AP2B1: variants seen among roughly 807,000 people sequenced by gnomAD.
AP2B1 encodes the protein adaptor related protein complex 2 subunit beta 1, also known as AP-2 complex subunit beta.
In AP2B1, 23 loss-of-function variants were observed where a neutral mutation model predicts 102.0. The ratio of observed to expected loss-of-function variants is 0.23; its 90% CI spans 0.16 to 0.32. The LOEUF is 0.32. Ranked by LOEUF, AP2B1 falls within the 10% of genes least tolerant of loss-of-function variation. The probability of loss-of-function intolerance (pLI) is 1.00; values close to 1 mark genes in which losing one functional copy is unlikely to be tolerated. For synonymous variants in AP2B1, 381 were observed against 421.2 expected (o/e 0.90, Z 1.17); for missense variants, 541 against 1,157.4 (o/e 0.47, Z 7.73).
At position 35,717,320 on chromosome 17, in the gene AP2B1, C is replaced by T. The variant is rs2076568559; in HGVS notation, c.2752C>T (p.Arg918Cys). Residue 918 changes from arginine (R) to cysteine (C), a missense_variant, in exon 21 of 22, where the codon CGT becomes TGT. Transcript: ENST00000610402. ...TNGIWILAEL[R>C]IQPGNPNYTL... Reference sequence around the variant, plus strand: ...TGGCATTTGGATTTTGGCCGAACTACGTATCCAGCCAGGAAACCCCAATTA... The same window carrying T: ...TGGCATTTGGATTTTGGCCGAACTATGTATCCAGCCAGGAAACCCCAATTA... 2 of 1,614,164 alleles carry T rather than the reference C, an allele frequency of 1.2e-6. No homozygotes were observed. Among genetic ancestry groups the T allele is most frequent in the Non-Finnish European group, 1.7e-6 (2 of 1,180,004 alleles).
chr17:35,633,326 C>G (rs1423662764), intron 9 of AP2B1, among the ~76,000 whole-genome samples: 1 of 149,120 alleles, frequency 6.7e-6, no homozygotes, highest in Non-Finnish European at 1.5e-5. Flanking sequence ...CGCCACTGCA[C>G]TCAGCCTGGT....
intron 18 of AP2B1, among the ~76,000 whole-genome samples, chr17:35,690,502 TA>T (rs1487430883): frequency 6.6e-6 from 1 of 152,230 alleles, no homozygotes; most frequent in Admixed American, 6.5e-5. Flanking sequence ...CCATCTATTT[TA>T]TCCTCTCTAA....
intron 1 of AP2B1, chr17:35,587,790 G>T (rs142481707): frequency 1.3e-5 from 2 of 152,392 alleles, no homozygotes; most frequent in East Asian, 3.9e-4. Flanking sequence ...GCTCGGCGTC[G>T]TTCACTGAGA....
At chr17:35,662,062 G>A (rs1412137463) in intron 14 of AP2B1, among the ~76,000 whole-genome samples, 1 of 152,138 alleles carries the variant, frequency 6.6e-6, no homozygotes, top group African/African-American at 2.4e-5. Flanking sequence ...ATCAATAGTA[G>A]TGACTCTCAA....
intron 9 of AP2B1, among the ~76,000 whole-genome samples, chr17:35,633,747 C>T (rs976775750): frequency 3.7e-4 from 56 of 152,272 alleles, no homozygotes; most frequent in African/African-American, 1.3e-3. Context: ...CATTACCATG[C>T]CCAGCAACTA....
chr17:35,637,803 A>G (rs769580790), intron 10 of AP2B1, among the ~76,000 whole-genome samples: 4 of 150,136 alleles, frequency 2.7e-5, no homozygotes, highest in African/African-American at 7.4e-5. Flanking sequence ...TCCTGCCTCA[A>G]TCTCCCGAGT....
Position 35,588,772 on chromosome 17 carries a change from C to A in AP2B1, c.-24+1344C>A, listed in dbSNP as rs568898815. On this transcript the variant is annotated intron_variant, in intron 1 of 21. Transcript: ENST00000610402. ...GCAGTATCTTAGCCGTTGAAACTTT[C>A]AAGGAAGCAGAAAGGATGATGTATA... The A allele has an allele frequency of 5.3e-5, 8 of 152,290 alleles. No individual in the cohort carries two copies. The South Asian group carries it at 6.2e-4, about 12-fold the overall frequency. 9.4% of individuals were successfully genotyped at this position (152,290 alleles called of 1,614,324 possible).
chr17:35,671,918 A>G lies in AP2B1; in HGVS notation c.2178+18A>G. On this transcript the variant is annotated intron_variant, in intron 16 of 21. Coordinates refer to ENST00000610402, the MANE Select transcript of AP2B1 (RefSeq NM_001030006.2). ...CTAAGGCTGTAAGTAAAGAGTTAAC[A>G]TAGCAATACTTTCTTAATGGACAGG... 6.2e-7 allele frequency: 1 copy of G among 1,611,128 alleles called. No homozygotes were observed. Among genetic ancestry groups the G allele is most frequent in the Non-Finnish European group, 8.5e-7 (1 of 1,177,718 alleles).
chr17:35,643,393 T>G (rs1178923993), intron 12 of AP2B1, among the ~76,000 whole-genome samples: 1 of 152,206 alleles, frequency 6.6e-6, no homozygotes, highest in Non-Finnish European at 1.5e-5. Flanking sequence ...GCAAGTATGT[T>G]TAGTAGTTTC....
chr17:35,634,795 A>C (rs549308345), intron 9 of AP2B1, among the ~76,000 whole-genome samples: 1 of 152,178 alleles, frequency 6.6e-6, no homozygotes, highest in African/African-American at 2.4e-5. Flanking sequence ...GAAAGCTCCT[A>C]CAAAATTTGG....
chr17:35,595,632 T>C (rs1319205388), intron 2 of AP2B1, among the ~76,000 whole-genome samples: 2 of 152,186 alleles, frequency 1.3e-5, no homozygotes, highest in Non-Finnish European at 2.9e-5. Context: ...CTAACAGTGC[T>C]TGGTAGATTT....
intron 9 of AP2B1, among the ~76,000 whole-genome samples, chr17:35,632,386 T>C (rs1040497782): frequency 6.6e-6 from 1 of 152,172 alleles, no homozygotes; most frequent in Non-Finnish European, 1.5e-5. Context: ...CCACCCGCCT[T>C]GGCCTCCCAA....
chr17:35,643,757 G>A (rs972964651), intron 12 of AP2B1, among the ~76,000 whole-genome samples: 5 of 150,378 alleles, frequency 3.3e-5, no homozygotes, highest in East Asian at 1.9e-4. Flanking sequence ...AATAACAGTC[G>A]TCATGGGAAA....
At chr17:35,684,921 T>G (rs1183773242) in intron 18 of AP2B1, among the ~76,000 whole-genome samples, 7 of 152,208 alleles carry the variant, frequency 4.6e-5, no homozygotes, top group African/African-American at 1.7e-4. Flanking sequence ...GTAAACAAAT[T>G]AATGAATGTC....
intron 17 of AP2B1, among the ~76,000 whole-genome samples, chr17:35,677,647 G>C (rs1351567609): frequency 2.0e-5 from 3 of 151,998 alleles, no homozygotes; most frequent in African/African-American, 4.8e-5. Context: ...CAAAAAAAAT[G>C]CTGAGATTTT....
At chr17:35,666,960 A>AT (rs1341670613) in intron 14 of AP2B1, among the ~76,000 whole-genome samples, 1 of 152,062 alleles carries the variant, frequency 6.6e-6, no homozygotes, top group Non-Finnish European at 1.5e-5. Flanking sequence ...AATGAAGTAA[A>AT]TTTTTTTCTT....
chr17:35,608,417 C>T (rs1197494147), intron 5 of AP2B1, 30 bp downstream of exon 5: 2 of 1,611,946 alleles, frequency 1.2e-6, no homozygotes, highest in Non-Finnish European at 8.5e-7. Context: ...ACAAAGAGAG[C>T]AGTATTTAAA....
chr17:35,656,076 G>A (rs1053177401), intron 13 of AP2B1, among the ~76,000 whole-genome samples: 2 of 152,080 alleles, frequency 1.3e-5, no homozygotes, highest in African/African-American at 4.8e-5. Flanking sequence ...TCTCTTAATG[G>A]TGTCATTGGA....
At chr17:35,650,365 G>A (rs2075057052) in intron 12 of AP2B1, among the ~76,000 whole-genome samples, 165 bp from the exon 13 acceptor site, 1 of 152,174 alleles carries the variant, frequency 6.6e-6, no homozygotes, top group South Asian at 2.1e-4. Context: ...AAGGTGTTGG[G>A]ATTACAGGCA....
Sources: allele counts gnomAD v4.1 joint callset (sites outside exome capture counted in the v4.1 genomes callset), GRCh38; gene constraint gnomAD v4.1.1; transcripts MANE v1.5; gene names NCBI Gene and HGNC (gene_info 2026-07-23, HGNC 2026-07-21).